Variants in TRIM24 observed in about 807,000 individuals in gnomAD.
TRIM24 encodes the protein tripartite motif containing 24, also known as transcription intermediary factor 1-alpha.
Under a neutral mutation model 123.9 loss-of-function variants are expected in TRIM24, and 29 were observed. That is an observed-to-expected ratio of 0.23 (90% CI 0.17 to 0.32). The LOEUF (loss-of-function observed/expected upper bound fraction) is 0.32. TRIM24 is among the 10% of genes least tolerant of loss of function. The pLI is 1.00. For missense variants in TRIM24, 932 were observed against 1,295.3 expected (o/e 0.72, Z 4.31); for synonymous variants, 456 against 461.1 (o/e 0.99, Z 0.14).
In TRIM24 at chr7:138,515,250, G is replaced by A; in HGVS notation, c.522G>A (p.Gly174=). ...GTGAGGACAACGCAGAAGCCAATGG[G>A]TTTTGTGTAGAGTGTGTTGAATGGC... The part of the protein sequence containing the change: ...TSCEDNAEAN[G]FCVECVEWLC... Residue 174 remains glycine (G), a synonymous_variant, in exon 3 of 19, where the codon GGG becomes GGA. Coordinates refer to ENST00000343526, the MANE Select transcript of TRIM24 (RefSeq NM_015905.3). 1 of 1,613,806 alleles carries A rather than the reference G, an allele frequency of 6.2e-7. No homozygotes were observed. The highest frequency in any genetic ancestry group is 2.2e-5 in the East Asian group (1 of 44,868).
At chr7:138,510,137 G>T (rs4329204) in intron 2 of TRIM24, among the ~76,000 whole-genome samples, 3,244 of 152,290 alleles carry the variant, frequency 0.021, 95 homozygotes, top group African/African-American at 0.071. Context: ...TTACATGCAG[G>T]TAGGAAGAAA....
At chr7:138,467,531 C>T (rs1412838944) in intron 1 of TRIM24, among the ~76,000 whole-genome samples, 3 of 152,036 alleles carry the variant, frequency 2.0e-5, no homozygotes, top group Non-Finnish European at 2.9e-5. Context: ...TTAGTAGAGA[C>T]GGGGTTTCAC....
chr7:138,504,835 A>T (rs1311109091), intron 2 of TRIM24, among the ~76,000 whole-genome samples: 2 of 149,628 alleles, frequency 1.3e-5, no homozygotes, highest in East Asian at 3.9e-4. Flanking sequence ...ATCTTGGCTC[A>T]CTTCCATCTC....
chr7:138,587,881 G>A lies in TRIM24; in HGVS notation c.*2930G>A, dbSNP rs998987680. On this transcript the variant is annotated 3_prime_UTR_variant, in exon 19 of 19. Coordinates refer to ENST00000343526, the MANE Select transcript of TRIM24 (RefSeq NM_015905.3). ...TGGATGGATGTAGACCATATTCAACGCAGAATACATTTTAGATCGGTATCT... is the reference window on the plus strand; with the variant it reads ...TGGATGGATGTAGACCATATTCAACACAGAATACATTTTAGATCGGTATCT... The A allele has an allele frequency of 3.9e-5, 6 of 152,162 alleles. No homozygotes were observed. Among genetic ancestry groups the A allele is most frequent in the Non-Finnish European group, 5.9e-5 (4 of 68,030 alleles). 9.4% of individuals were successfully genotyped at this position (152,162 alleles called of 1,614,324 possible).
chr7:138,508,728 T>TGTGTGTGCGTGTGC (rs1796221426), intron 2 of TRIM24, among the ~76,000 whole-genome samples: 1 of 136,296 alleles, frequency 7.3e-6, no homozygotes, highest in Admixed American at 7.4e-5. Flanking sequence ...TGCGTGTGTG[T>TGTGTGTGCGTGTGC]GTGTGTGTGT....
chr7:138,469,595 C>T (rs773861932), intron 1 of TRIM24, among the ~76,000 whole-genome samples: 3 of 152,106 alleles, frequency 2.0e-5, no homozygotes, highest in Non-Finnish European at 4.4e-5. Context: ...AGCTGCCGAG[C>T]CCTTTCTTAA....
chr7:138,510,304 A>T (rs1055611314), intron 2 of TRIM24, among the ~76,000 whole-genome samples: 3 of 152,254 alleles, frequency 2.0e-5, no homozygotes, highest in Non-Finnish European at 2.9e-5. Context: ...GGAGCTGAAA[A>T]TAGAAGTTGT....
chr7:138,574,995 T>C (rs1367355927), intron 12 of TRIM24, among the ~76,000 whole-genome samples: 2 of 152,158 alleles, frequency 1.3e-5, no homozygotes, highest in African/African-American at 4.8e-5. Flanking sequence ...AGTGCCCAAA[T>C]ATGAGGATAA....
intron 1 of TRIM24, among the ~76,000 whole-genome samples, chr7:138,463,989 C>CTTTTGTTTTTTTTTTTTTTT (rs1795072496): frequency 2.0e-5 from 1 of 50,766 alleles, no homozygotes; most frequent in Non-Finnish European, 3.6e-5. Context: ...AAAATTTAGA[C>CTTTTGTTTTTTTTTTTTTTT]TTTTTTTTTT....
intron 1 of TRIM24, among the ~76,000 whole-genome samples, chr7:138,487,945 T>C (rs960116840): frequency 3.3e-5 from 5 of 152,202 alleles, no homozygotes; most frequent in Non-Finnish European, 7.3e-5. Context: ...CTACCTCTGG[T>C]AGAATTGGCT....
At chr7:138,499,895 T>C (rs1470430950) in intron 1 of TRIM24, among the ~76,000 whole-genome samples, 5 of 152,164 alleles carry the variant, frequency 3.3e-5, no homozygotes, top group African/African-American at 1.2e-4. Context: ...TTTATGTATG[T>C]AAGAGTCAGT....
At chr7:138,468,306 A>T (rs10216085) in intron 1 of TRIM24, among the ~76,000 whole-genome samples, 3,215 of 152,202 alleles carry the variant, frequency 0.021, 92 homozygotes, top group African/African-American at 0.071. Flanking sequence ...GTTGATTTTT[A>T]GATGTTAAAT....
At chr7:138,533,328 A>G (rs1167429764) in intron 6 of TRIM24, among the ~76,000 whole-genome samples, 2 of 152,208 alleles carry the variant, frequency 1.3e-5, no homozygotes, top group East Asian at 3.8e-4. Context: ...GTTTTTGCCC[A>G]TTCAGTATGA....
chr7:138,496,286 C>T (rs894861518), intron 1 of TRIM24, among the ~76,000 whole-genome samples: 5 of 152,180 alleles, frequency 3.3e-5, no homozygotes, highest in South Asian at 2.1e-4. Context: ...TTTTACTATA[C>T]ATGTCCTGCA....
Position 138,475,583 on chromosome 7 carries a change from G to C in TRIM24, c.364+14671G>C, listed in dbSNP as rs1276177220. ...CTCGCCCTGGCTATAGTGCAGTGGTGTGATCTCACTGCAACCTCCAGGGTT... is the reference window on the plus strand; with the variant it reads ...CTCGCCCTGGCTATAGTGCAGTGGTCTGATCTCACTGCAACCTCCAGGGTT... On this transcript the variant is annotated intron_variant, in intron 1 of 18. Coordinates refer to ENST00000343526, the MANE Select transcript of TRIM24 (RefSeq NM_015905.3). 2.0e-5 allele frequency among the ~76,000 whole-genome samples: 3 copies of C among 152,146 alleles called. No homozygotes were observed. The East Asian group carries it at 5.8e-4, about 29-fold the overall frequency.
chr7:138,552,077 A>G (rs748765996), intron 8 of TRIM24, among the ~76,000 whole-genome samples: 42 of 152,198 alleles, frequency 2.8e-4, no homozygotes, highest in Non-Finnish European at 5.9e-4. Flanking sequence ...ACAGATACTT[A>G]CCATCGTTTA....
chr7:138,470,392 A>G (rs547261830), intron 1 of TRIM24, among the ~76,000 whole-genome samples: 6 of 152,174 alleles, frequency 3.9e-5, no homozygotes, highest in Non-Finnish European at 7.3e-5. Flanking sequence ...AAGTGCTGGG[A>G]TTACAGATGC....
intron 14 of TRIM24, among the ~76,000 whole-genome samples, chr7:138,578,532 T>TTGTGTGTGTG (rs142839380): frequency 2.0e-4 from 29 of 146,892 alleles, no homozygotes; most frequent in African/African-American, 6.7e-4. Flanking sequence ...GGTGGTGGTT[T>TTGTGTGTGTG]TGTGTGTGTG....
rs548081530 is a variant in TRIM24 at position 138,546,969 on chromosome 7, T to C, written c.1144-4094T>C. The stretch of plus-strand genomic sequence containing the variant: ...AAGGGAATGAAATCAAGATCTTGAA[T>C]AGATGTATGTACTCCTGGGTTCATT... On this transcript the variant is annotated intron_variant, in intron 7 of 18. Coordinates refer to ENST00000343526, the MANE Select transcript of TRIM24 (RefSeq NM_015905.3). 5.1e-4 allele frequency among the ~76,000 whole-genome samples: 78 copies of C among 152,176 alleles called. 1 individual carries two copies. Among genetic ancestry groups the C allele is most frequent in the Non-Finnish European group, 1.0e-3 (71 of 68,030 alleles).
Sources: gnomAD v4.1 joint callset for allele counts (sites outside exome capture counted in the v4.1 genomes callset) on GRCh38, gnomAD v4.1.1 for gene constraint, MANE v1.5 for transcripts, NCBI Gene and HGNC (gene_info 2026-07-23, HGNC 2026-07-21) for gene names.